The following DSE variants were observed in gnomAD, a reference collection of about 807,000 sequenced individuals.
DSE encodes the protein dermatan-sulfate epimerase.
In DSE, 36 loss-of-function variants were observed where a neutral mutation model predicts 84.4. The observed-to-expected ratio is 0.43, with a 90% CI of 0.33 to 0.56. DSE has a LOEUF of 0.56. Among genes scored for constraint, DSE ranks in the 20% least tolerant of loss-of-function variants. The pLI, the probability that DSE is intolerant of heterozygous loss-of-function variation, is 0.06. For synonymous variants in DSE, 410 were observed against 430.1 expected (o/e 0.95, Z 0.58); for missense variants, 862 against 1,169.6 (o/e 0.74, Z 3.84).
intron 2 of DSE, among the ~76,000 whole-genome samples, chr6:116,334,283 C>T (rs190052568): frequency 1.7e-4 from 26 of 152,326 alleles, no homozygotes; most frequent in African/African-American, 6.3e-4. Flanking sequence ...TGAAATCACT[C>T]TGCTACCTTC....
At chr6:116,370,790 G>C (rs1373404886), upstream of DSE, 3 of 977,422 alleles carry the variant, frequency 3.1e-6, no homozygotes, top group East Asian at 1.1e-4. Context: ...GGTTCGGCCG[G>C]GGGAGGGGGT....
chr6:116,392,840 C>T (rs181268158), intron 1 of DSE, among the ~76,000 whole-genome samples: 40 of 152,200 alleles, frequency 2.6e-4, no homozygotes, highest in African/African-American at 9.2e-4. Flanking sequence ...TGACGGTAAA[C>T]GAATATGCTG....
intron 1 of DSE, among the ~76,000 whole-genome samples, chr6:116,390,883 C>T (rs1437664025): frequency 6.6e-6 from 1 of 152,140 alleles, no homozygotes; most frequent in Non-Finnish European, 1.5e-5. Context: ...TTTTTTTCTA[C>T]ATATGAAATG....
intron 2 of DSE, chr6:116,279,009 A>T (rs777325662): frequency 6.2e-7 from 1 of 1,613,972 alleles, no homozygotes. Flanking sequence ...AGCCCGGGAT[A>T]TTCTGAATGA....
At chr6:116,420,973 G>T (rs1583210906) in intron 2 of DSE, among the ~76,000 whole-genome samples, 1 of 152,302 alleles carries the variant, frequency 6.6e-6, no homozygotes, top group East Asian at 1.9e-4. Context: ...AATAGAAGCA[G>T]TCTATCCCTT....
In DSE at chr6:116,438,275, G is replaced by T. The variant is rs1444319730; in HGVS notation, c.*930G>T. On this transcript the variant is annotated 3_prime_UTR_variant, in exon 6 of 6. Coordinates refer to ENST00000644252, the MANE Select transcript of DSE (RefSeq NM_013352.4). ...ATTTTCCTAAATAAACATCATAATTGTGAATTTTCTCTAGTATTCTTCTTC... is the reference window on the plus strand; with the variant it reads ...ATTTTCCTAAATAAACATCATAATTTTGAATTTTCTCTAGTATTCTTCTTC... 1 of 152,350 alleles carries T rather than the reference G, an allele frequency of 6.6e-6. No individual in the cohort carries two copies. Among genetic ancestry groups the T allele is most frequent in the African/African-American group, 2.4e-5 (1 of 41,472 alleles). The allele number at this position is 152,350 out of a possible 1,614,324, so 9.4% of individuals were successfully genotyped here.
rs1784418793 is a variant in DSE, at chr6:116,441,320, G to A, written c.*3975G>A. 4.6e-5 allele frequency: 7 copies of A among 151,988 alleles called. No homozygotes were observed. The highest frequency in any genetic ancestry group is 3.9e-4 in the Admixed American group (6 of 15,268). The allele number at this position is 151,988 out of a possible 1,614,324, so 9.4% of individuals were successfully genotyped here. Reference sequence around the variant, plus strand: ...TCTTGGTTTTGGGATTTTTTTAATTGAAGTTTTATTTGGCATAAATTATGA... The same window carrying A: ...TCTTGGTTTTGGGATTTTTTTAATTAAAGTTTTATTTGGCATAAATTATGA... On this transcript the variant is annotated 3_prime_UTR_variant, in exon 6 of 6. Coordinates refer to ENST00000644252, the MANE Select transcript of DSE (RefSeq NM_013352.4).
intron 1 of DSE, among the ~76,000 whole-genome samples, chr6:116,387,834 G>A (rs1293344493): frequency 6.6e-6 from 1 of 152,160 alleles, no homozygotes; most frequent in East Asian, 1.9e-4. Context: ...TTTCCACAGA[G>A]GTATTAAGAG....
chr6:116,347,951 A>G (rs1250115614), intron 2 of DSE, among the ~76,000 whole-genome samples: 1 of 152,242 alleles, frequency 6.6e-6, no homozygotes, highest in Non-Finnish European at 1.5e-5. Flanking sequence ...TTTATGAGAA[A>G]TAAATCAAAC....
intron 2 of DSE, chr6:116,279,569 C>T (rs1773368419): frequency 6.9e-6 from 11 of 1,602,968 alleles, no homozygotes; most frequent in Non-Finnish European, 9.3e-6. Flanking sequence ...TGACCGCGAC[C>T]CCCAACAACT....
At chr6:116,377,047 T>C (rs1779969633) in intron 1 of DSE, among the ~76,000 whole-genome samples, 1 of 152,206 alleles carries the variant, frequency 6.6e-6, no homozygotes, top group African/African-American at 2.4e-5. Context: ...ATCCCCAGTG[T>C]GTGTATAAAT....
At chr6:116,259,197 T>C in intron 2 of DSE, 1 of 661,334 alleles carries the variant, frequency 1.5e-6, no homozygotes, top group Admixed American at 2.8e-5. Flanking sequence ...GCAAACTTAC[T>C]TGTAATTTAA....
exon 2 of DSE, chr6:116,258,616 T>A: frequency 6.2e-7 from 1 of 1,612,440 alleles, no homozygotes; most frequent in Non-Finnish European, 8.5e-7. Flanking sequence ...AGCAATGGTC[T>A]TAATGTTCCG....
At chr6:116,267,010 T>C (rs1304189476) in intron 2 of DSE, among the ~76,000 whole-genome samples, 1 of 152,210 alleles carries the variant, frequency 6.6e-6, no homozygotes, top group Non-Finnish European at 1.5e-5. Context: ...CCTCATAAGG[T>C]CATAGTATAA....
chr6:116,366,981 G>GTA (rs1302665530), upstream of DSE: 1 of 152,238 alleles, frequency 6.6e-6, no homozygotes, highest in Non-Finnish European at 1.5e-5. Context: ...TATTAAGAAT[G>GTA]TAGGTCAATG....
At chr6:116,332,901 T>A (rs542694269) in intron 2 of DSE, among the ~76,000 whole-genome samples, 2 of 152,270 alleles carry the variant, frequency 1.3e-5, no homozygotes, top group Non-Finnish European at 2.9e-5. Flanking sequence ...GATACCCCAA[T>A]TGCCAGCAAG....
At chr6:116,375,237 TAAC>T (rs3836987) in intron 1 of DSE, among the ~76,000 whole-genome samples, 22,499 of 152,206 alleles carry the variant, frequency 0.15, 2,784 homozygotes, top group East Asian at 0.63. Flanking sequence ...CATTTGATGA[TAAC>T]AATAATGAAG....
intron 2 of DSE, among the ~76,000 whole-genome samples, chr6:116,314,013 A>T (rs1337552451): frequency 6.6e-6 from 1 of 152,204 alleles, no homozygotes; most frequent in Non-Finnish European, 1.5e-5. Flanking sequence ...ACCAACTTAC[A>T]TCAGGTTTAC....
chr6:116,342,342 G>A (rs949292949), intron 2 of DSE, among the ~76,000 whole-genome samples: 2 of 147,674 alleles, frequency 1.4e-5, no homozygotes, highest in Non-Finnish European at 3.0e-5. Context: ...GTGCAATGGC[G>A]CGGTCTTGGC....
Sources: gnomAD v4.1 joint callset for allele counts (sites outside exome capture counted in the v4.1 genomes callset) on GRCh38, gnomAD v4.1.1 for gene constraint, MANE v1.5 for transcripts, NCBI Gene and HGNC (gene_info 2026-07-23, HGNC 2026-07-21) for gene names.